The following GARNL3 variants were observed in gnomAD, a reference collection of about 807,000 sequenced individuals.
GARNL3 encodes the protein GTPase activating Rap/RanGAP domain like 3, also known as GTPase-activating Rap/Ran-GAP domain-like protein 3.
GARNL3 carries 63 observed loss-of-function variants against 125.0 expected under a neutral mutation model. The observed-to-expected ratio is 0.50, with a 90% CI of 0.41 to 0.62. The LOEUF is 0.62. Ranked by LOEUF, GARNL3 falls within the 20% of genes least tolerant of loss-of-function variation. GARNL3 has a pLI of 0.00. For missense variants in GARNL3, 994 were observed against 1,244.0 expected, an observed-to-expected ratio of 0.80 and a Z score of 3.02; for synonymous variants, 439 against 457.5, an observed-to-expected ratio of 0.96 and a Z score of 0.52.
chr9:127,366,007 A>G (rs1040096016), intron 22 of GARNL3, among the ~76,000 whole-genome samples: 1 of 152,314 alleles, frequency 6.6e-6, no homozygotes, highest in South Asian at 2.1e-4. Flanking sequence ...GATTTTCAGC[A>G]TTTCAAAAGC....
chr9:127,252,307 T>A (rs1187911844), intron 2 of GARNL3, among the ~76,000 whole-genome samples: 1 of 152,204 alleles, frequency 6.6e-6, no homozygotes, highest in East Asian at 1.9e-4. Context: ...GCAACAAAAT[T>A]GTAGACTACA....
intron 2 of GARNL3, among the ~76,000 whole-genome samples, chr9:127,252,266 G>C (rs574718022): frequency 6.6e-6 from 1 of 152,144 alleles, no homozygotes; most frequent in Non-Finnish European, 1.5e-5. Flanking sequence ...TAGAGGAAAA[G>C]TTTTTCTTCC....
chr9:127,330,843 A>G (rs1258123447), intron 7 of GARNL3, among the ~76,000 whole-genome samples: 1 of 152,188 alleles, frequency 6.6e-6, no homozygotes, highest in Non-Finnish European at 1.5e-5. Context: ...CTCTTCCTGT[A>G]TAGAAAACCA....
intron 22 of GARNL3, among the ~76,000 whole-genome samples, chr9:127,379,565 C>T (rs943254141): frequency 2.6e-5 from 4 of 152,130 alleles, no homozygotes; most frequent in African/African-American, 9.7e-5. Flanking sequence ...CCTGTGTACT[C>T]ACAGGCAATT....
At chr9:127,251,489 G>C (rs2063402584) in intron 2 of GARNL3, among the ~76,000 whole-genome samples, 1 of 152,030 alleles carries the variant, frequency 6.6e-6, no homozygotes, top group South Asian at 2.1e-4. Flanking sequence ...AATATAGTTT[G>C]ACCTTAAAAG....
chr9:127,257,377 T>G (rs1454293326), intron 2 of GARNL3, among the ~76,000 whole-genome samples: 1 of 152,228 alleles, frequency 6.6e-6, no homozygotes, highest in African/African-American at 2.4e-5. Flanking sequence ...AGCTTAAAAT[T>G]TTATAGTCCC....
chr9:127,252,469 C>T (rs1246227169), intron 2 of GARNL3, among the ~76,000 whole-genome samples: 3 of 152,110 alleles, frequency 2.0e-5, no homozygotes, highest in Non-Finnish European at 4.4e-5. Flanking sequence ...TTCATTAAAT[C>T]CAATGGGAAG....
At chr9:127,301,558 C>G (rs1025314783) in intron 2 of GARNL3, among the ~76,000 whole-genome samples, 1 of 152,210 alleles carries the variant, frequency 6.6e-6, no homozygotes, top group African/African-American at 2.4e-5. Flanking sequence ...CTTCCTTATA[C>G]CATCTGAGCT....
At chr9:127,231,141 G>A (rs1442299227) in intron 1 of GARNL3, among the ~76,000 whole-genome samples, 1 of 139,874 alleles carries the variant, frequency 7.1e-6, no homozygotes, top group Admixed American at 7.2e-5. Context: ...TGCAAGCTCC[G>A]CCTTCTGGGT....
rs60448026 is a variant in GARNL3 at position 127,331,720 on chromosome 9, C to CT, written c.595-539dup. Among the ~76,000 whole-genome samples the CT allele has an allele frequency of 5.8e-4, 43 of 74,402 alleles. 8 individuals carry two copies. The highest frequency in any genetic ancestry group is 0.013 in the Middle Eastern group (2 of 156). 48.8% of individuals were successfully genotyped at this position (74,402 alleles called of 152,430 possible). On this transcript the variant is annotated intron_variant, in intron 7 of 27. Transcript: ENST00000373387. ...CTACTGCTTGCTTGGCTTGGGCTTG[C>CT]TTTTTTTTTTTTTTTCACATCTGTT...
At chr9:127,232,768 C>T (rs2063041556) in intron 1 of GARNL3, among the ~76,000 whole-genome samples, 2 of 152,276 alleles carry the variant, frequency 1.3e-5, no homozygotes, top group South Asian at 2.1e-4. Context: ...AAAGATGGCT[C>T]CAGGTGCTTG....
At chr9:127,389,193 C>T in intron 26 of GARNL3, 74 bp downstream of exon 26, 1 of 1,094,736 alleles carries the variant, frequency 9.1e-7, no homozygotes, top group Non-Finnish European at 1.4e-6. Flanking sequence ...ATGAATTGTC[C>T]TCAGAAACAA....
At chr9:127,313,106 C>T (rs1375636299) in intron 3 of GARNL3, among the ~76,000 whole-genome samples, 5 of 152,112 alleles carry the variant, frequency 3.3e-5, no homozygotes, top group African/African-American at 4.8e-5. Context: ...AAGATGGATT[C>T]AGGAATTCCA....
chr9:127,261,157 G>A (rs541167055), upstream of GARNL3, among the ~76,000 whole-genome samples: 4 of 152,196 alleles, frequency 2.6e-5, no homozygotes, highest in Admixed American at 2.6e-4. Context: ...TTGGGAGGCT[G>A]AGGCATGAGA....
chr9:127,314,994 AC>A (rs1342910761), intron 4 of GARNL3, among the ~76,000 whole-genome samples: 2 of 152,224 alleles, frequency 1.3e-5, no homozygotes, highest in Non-Finnish European at 2.9e-5. Flanking sequence ...GGTTACTCAT[AC>A]CTGGTATTAG....
chr9:127,365,800 G>A (rs1194611370), intron 22 of GARNL3, among the ~76,000 whole-genome samples: 1 of 152,172 alleles, frequency 6.6e-6, no homozygotes, highest in Non-Finnish European at 1.5e-5. Flanking sequence ...AAGCAGCAGG[G>A]CCAGGGTTTG....
intron 1 of GARNL3, among the ~76,000 whole-genome samples, chr9:127,269,924 A>C (rs1207342852): frequency 6.6e-6 from 1 of 151,974 alleles, no homozygotes; most frequent in Non-Finnish European, 1.5e-5. Context: ...AATGCACAGA[A>C]GTTTTTAATT....
At chr9:127,357,436 T>C (rs895280256) in intron 21 of GARNL3, 59 bp downstream of exon 21, 1 of 1,515,710 alleles carries the variant, frequency 6.6e-7, no homozygotes, top group African/African-American at 1.4e-5. Flanking sequence ...TCGTTGTGTA[T>C]TCTAACCCTG....
intron 17 of GARNL3, among the ~76,000 whole-genome samples, chr9:127,351,122 C>A (rs1031851246): frequency 1.3e-5 from 2 of 152,198 alleles, no homozygotes; most frequent in Admixed American, 6.5e-5. Context: ...TTCACTCCTT[C>A]CCTTTTGCCC....
Sources: allele counts gnomAD v4.1 joint callset (sites outside exome capture counted in the v4.1 genomes callset), GRCh38; gene constraint gnomAD v4.1.1; transcripts MANE v1.5; gene names NCBI Gene and HGNC (gene_info 2026-07-23, HGNC 2026-07-21).